ZBTB20: variants seen among roughly 807,000 people sequenced by gnomAD.
The protein encoded by ZBTB20 is zinc finger and BTB domain-containing protein 20.
In ZBTB20, 9 loss-of-function variants were observed where a neutral mutation model predicts 56.9. The ratio of observed to expected loss-of-function variants is 0.16; its 90% CI spans 0.10 to 0.28. The LOEUF is 0.28. Ranked by LOEUF, ZBTB20 falls within the 10% of genes least tolerant of loss-of-function variation. The probability of loss-of-function intolerance (pLI) is 1.00; values close to 1 mark genes in which losing one functional copy is unlikely to be tolerated. For synonymous variants in ZBTB20, 417 were observed against 420.7 expected, an observed-to-expected ratio of 0.99 and a Z score of 0.11; for missense variants, 655 against 1,003.0, an observed-to-expected ratio of 0.65 and a Z score of 4.69.
At chr3:114,505,871 T>C (rs2044548985) in intron 6 of ZBTB20, among the ~76,000 whole-genome samples, 1 of 152,292 alleles carries the variant, frequency 6.6e-6, no homozygotes, top group African/African-American at 2.4e-5. Context: ...ATTTCCTTTA[T>C]CTGACAGATT....
At chr3:114,605,316 CA>C (rs1177481043) in intron 6 of ZBTB20, among the ~76,000 whole-genome samples, 1 of 152,114 alleles carries the variant, frequency 6.6e-6, no homozygotes, top group Non-Finnish European at 1.5e-5. Context: ...CAGACAAGAG[CA>C]GGGGTGAAAG....
chr3:115,120,201 G>A (rs760810528), intron 1 of ZBTB20, among the ~76,000 whole-genome samples: 3 of 152,052 alleles, frequency 2.0e-5, no homozygotes, highest in Non-Finnish European at 4.4e-5. Context: ...ATGTAGAAAC[G>A]TAGTTCATCA....
chr3:114,873,536 T>A (rs1164130338), intron 4 of ZBTB20, among the ~76,000 whole-genome samples: 2 of 152,184 alleles, frequency 1.3e-5, no homozygotes, highest in African/African-American at 4.8e-5. Context: ...AAGAGTTTAG[T>A]ACACCATCAA....
intron 7 of ZBTB20, among the ~76,000 whole-genome samples, chr3:114,402,781 C>T (rs908768821): frequency 2.6e-5 from 4 of 152,162 alleles, no homozygotes; most frequent in Non-Finnish European, 5.9e-5. Flanking sequence ...GGCTTTCCCC[C>T]CTAGCTACTG....
intron 4 of ZBTB20, among the ~76,000 whole-genome samples, chr3:114,810,495 T>C (rs1161290115): frequency 2.0e-5 from 3 of 152,190 alleles, no homozygotes; most frequent in Non-Finnish European, 2.9e-5. Flanking sequence ...TGGGTTTTCA[T>C]GACTTGTCCT....
chr3:114,697,111 C>G (rs1013240584), intron 5 of ZBTB20, among the ~76,000 whole-genome samples: 6 of 125,226 alleles, frequency 4.8e-5, no homozygotes, highest in Admixed American at 2.4e-4. Flanking sequence ...AAAAAAAAAG[C>G]ATTAGAGCTT....
intron 3 of ZBTB20, among the ~76,000 whole-genome samples, chr3:114,930,247 G>A (rs898211912): frequency 2.0e-5 from 3 of 151,970 alleles, no homozygotes; most frequent in Non-Finnish European, 2.9e-5. Context: ...CATGTGCTGC[G>A]CTTCTTCAGA....
At chr3:114,901,037 T>C (rs2107669039) in intron 3 of ZBTB20, among the ~76,000 whole-genome samples, 1 of 152,258 alleles carries the variant, frequency 6.6e-6, no homozygotes, top group Admixed American at 6.5e-5. Context: ...CAATTAGACC[T>C]GAAAAACATT....
rs2669906 is a variant in ZBTB20, at chr3:114,535,944, A to G, written c.-294-35553T>C. On this transcript the variant is annotated intron_variant, in intron 6 of 11. Coordinates refer to ENST00000675478, the MANE Select transcript of ZBTB20 (RefSeq NM_001348800.3). ...CAGAAAAGGCCTTTGATAAAATTCA[A>G]CACCGCTTTATGCTAAAATCTCTCA... is the stretch of plus-strand genomic sequence containing the variant. Among the ~76,000 whole-genome samples the G allele has an allele frequency of 6.6e-3, 1,003 of 152,350 alleles. 9 individuals carry two copies. Among genetic ancestry groups the G allele is most frequent in the African/African-American group, 0.022 (922 of 41,576 alleles).
chr3:114,559,640 A>G (rs1216387486), intron 6 of ZBTB20, among the ~76,000 whole-genome samples: 1 of 152,194 alleles, frequency 6.6e-6, no homozygotes, highest in Admixed American at 6.6e-5. Context: ...CCATTCTGAA[A>G]CAAATTATTC....
intron 6 of ZBTB20, among the ~76,000 whole-genome samples, chr3:114,579,978 G>A (rs1559988552): frequency 6.6e-6 from 1 of 151,568 alleles, no homozygotes; most frequent in Non-Finnish European, 1.5e-5. Context: ...TCCCAATAAT[G>A]TGAAAACTGT....
intron 2 of ZBTB20, among the ~76,000 whole-genome samples, chr3:114,993,682 A>G (rs2078912827): frequency 1.3e-5 from 2 of 151,926 alleles, no homozygotes; most frequent in Admixed American, 6.6e-5. Flanking sequence ...AGAAGAAATC[A>G]TAATTGAAAT....
At chr3:114,389,422 AAC>A (rs1275994227) in intron 7 of ZBTB20, among the ~76,000 whole-genome samples, 1 of 151,942 alleles carries the variant, frequency 6.6e-6, no homozygotes, top group African/African-American at 2.4e-5. Context: ...AGGAAGTAGA[AAC>A]AGTGTCCTTC....
At chr3:114,495,061 A>G (rs897128191) in intron 7 of ZBTB20, among the ~76,000 whole-genome samples, 7 of 152,200 alleles carry the variant, frequency 4.6e-5, no homozygotes, top group African/African-American at 1.7e-4. Context: ...ATGAAACCCT[A>G]TGGTACTTCC....
At position 114,333,595 on chromosome 3, in the gene ZBTB20, T is replaced by C. The variant is rs1292177141; in HGVS notation, c.*5410A>G. The C allele has an allele frequency of 1.3e-5, 2 of 152,254 alleles. No individual in the cohort carries two copies. Among genetic ancestry groups the C allele is most frequent in the Non-Finnish European group, 2.9e-5 (2 of 68,050 alleles). 9.4% of individuals were successfully genotyped at this position (152,254 alleles called of 1,614,324 possible). ...TTTTTCTATGGAATTAGGGAGCCTA[T>C]TGAAATTCTAGTGCACCCCTCCTTT... is the stretch of plus-strand genomic sequence containing the variant. On this transcript the variant is annotated 3_prime_UTR_variant, in exon 12 of 12. Coordinates refer to ENST00000675478, the MANE Select transcript of ZBTB20 (RefSeq NM_001348800.3).
chr3:115,124,269 T>C (rs541859995), intron 1 of ZBTB20, among the ~76,000 whole-genome samples: 66 of 152,338 alleles, frequency 4.3e-4, no homozygotes, highest in Admixed American at 1.6e-3. Context: ...ACTGAACTTG[T>C]AGTAGTATTC....
rs550837501 is a variant in ZBTB20, at chr3:114,317,847, T to G, written c.*21158A>C. Reference sequence around the variant, plus strand: ...CATGAAACGCGAGTCCAAGGGGCCATTGGGGCAGTAGTCCAAGGGAAGCTG... The same window carrying G: ...CATGAAACGCGAGTCCAAGGGGCCAGTGGGGCAGTAGTCCAAGGGAAGCTG... On this transcript the variant is annotated 3_prime_UTR_variant, in exon 12 of 12. Transcript: ENST00000675478. 7 of 152,210 alleles carry G rather than the reference T, an allele frequency of 4.6e-5. No individual in the cohort carries two copies. The highest frequency in any genetic ancestry group is 2.6e-4 in the Admixed American group (4 of 15,284). 9.4% of individuals were successfully genotyped at this position (152,210 alleles called of 1,614,324 possible).
At chr3:114,660,516 A>AT (rs962902130) in intron 6 of ZBTB20, among the ~76,000 whole-genome samples, 5 of 151,916 alleles carry the variant, frequency 3.3e-5, no homozygotes, top group Non-Finnish European at 5.9e-5. Context: ...ATTTTTAGGG[A>AT]TTTTTTTTCC....
At chr3:114,901,494 T>C (rs1441037579) in intron 3 of ZBTB20, among the ~76,000 whole-genome samples, 2 of 152,252 alleles carry the variant, frequency 1.3e-5, no homozygotes, top group South Asian at 4.1e-4. Context: ...CACTGAGTAC[T>C]ATGTATCAAG....
Sources: allele counts gnomAD v4.1 joint callset (sites outside exome capture counted in the v4.1 genomes callset), GRCh38; gene constraint gnomAD v4.1.1; transcripts MANE v1.5; gene names NCBI Gene and HGNC (gene_info 2026-07-23, HGNC 2026-07-21).